FAM91A1: variants seen among roughly 807,000 people sequenced by gnomAD.
FAM91A1 encodes the protein protein FAM91A1.
FAM91A1 carries 41 observed loss-of-function variants against 113.5 expected under a neutral mutation model. The observed-to-expected ratio is 0.36, with a 90% confidence interval of 0.28 to 0.47. The LOEUF is 0.47. Ranked by LOEUF, FAM91A1 falls within the 20% of genes least tolerant of loss-of-function variation. The probability of loss-of-function intolerance (pLI) is 1.00; values close to 1 mark genes in which losing one functional copy is unlikely to be tolerated. For missense variants in FAM91A1, 696 were observed against 1,001.2 expected, an observed-to-expected ratio of 0.70 and a Z score of 4.11; for synonymous variants, 307 against 347.9, an observed-to-expected ratio of 0.88 and a Z score of 1.31.
intron 19 of FAM91A1, 25 bp downstream of exon 19, chr8:123,805,364 A>C: frequency 6.7e-7 from 1 of 1,491,522 alleles, no homozygotes; most frequent in South Asian, 1.3e-5. Flanking sequence ...GTATCTATTG[A>C]CTTTTTTTTT....
chr8:123,775,237 C>T lies in FAM91A1; in HGVS notation c.248C>T (p.Ser83Leu), dbSNP rs769005370. 106 of 1,613,896 alleles carry T rather than the reference C, an allele frequency of 6.6e-5. No individual in the cohort carries two copies. Among genetic ancestry groups the T allele is most frequent in the Non-Finnish European group, 8.2e-5 (97 of 1,179,906 alleles). The part of the protein sequence containing the change: ...DHLMLYPYHL[S>L]DIMVKGLRIT... ...CTCATGCTGTACCCTTACCATCTAT[C>T]GGATATTATGGTGAAAGGCTTGAGG... is the stretch of plus-strand genomic sequence containing the variant. The change falls in exon 3 of 24, where the codon TCG becomes TTG. Residue 83 changes from serine (S) to leucine (L), a missense_variant. Physicochemically the swap from Ser to Leu is moderately radical, Grantham distance 145. Transcript: ENST00000334705.
At position 123,768,475 on chromosome 8, in the gene FAM91A1, T is replaced by G. The variant is rs1348170357; in HGVS notation, c.-228T>G. 3 of 456,312 alleles carry G rather than the reference T, an allele frequency of 6.6e-6. No individual in the cohort carries two copies. Among genetic ancestry groups the G allele is most frequent in the Non-Finnish European group, 1.2e-5 (3 of 259,652 alleles). The allele number at this position is 456,312 out of a possible 1,614,324, so 28.3% of individuals were successfully genotyped here. ...CGGCGGCCCGAAACTAGGAAGAAAC[T>G]TGGAGCTGTTCAGGCGATCCAGCCT... On this transcript the variant is annotated 5_prime_UTR_variant, in exon 1 of 24. Coordinates refer to ENST00000334705, the MANE Select transcript of FAM91A1 (RefSeq NM_144963.4).
chr8:123,800,017 A>G (rs1341057235), intron 18 of FAM91A1, 132 bp downstream of exon 18: 1 of 808,580 alleles, frequency 1.2e-6, no homozygotes, highest in African/African-American at 1.8e-5. Context: ...AATCAGAGAT[A>G]TGGATTTTAG....
intron 18 of FAM91A1, among the ~76,000 whole-genome samples, chr8:123,802,960 A>G (rs1815722380): frequency 6.6e-6 from 1 of 152,236 alleles, no homozygotes; most frequent in African/African-American, 2.4e-5. Context: ...TGGCAGTAGA[A>G]GTAGAGTGAA....
chr8:123,779,376 C>T (rs1055113814), intron 6 of FAM91A1, among the ~76,000 whole-genome samples: 9 of 152,158 alleles, frequency 5.9e-5, no homozygotes, highest in East Asian at 3.8e-4. Flanking sequence ...TTGATATTCC[C>T]AGTGGTCAGA....
At position 123,813,746 on chromosome 8, in the gene FAM91A1, A is replaced by C. The variant is rs1178746431; in HGVS notation, c.*1042A>C. The C allele has an allele frequency of 6.6e-6, 1 of 152,428 alleles. No individual in the cohort carries two copies. The highest frequency in any genetic ancestry group is 2.4e-5 in the African/African-American group (1 of 41,470). 9.4% of individuals were successfully genotyped at this position (152,428 alleles called of 1,614,324 possible). A position where few individuals can be genotyped will look rare whatever the true frequency, so the allele number is the denominator to read the frequency against. On this transcript the variant is annotated 3_prime_UTR_variant, in exon 24 of 24. Transcript: ENST00000334705. Reference sequence around the variant, plus strand: ...GAGTCATTGATTCTTTTAGCATCTCAAATGTTAATTAGAATAATTGGAATC... The same window carrying C: ...GAGTCATTGATTCTTTTAGCATCTCCAATGTTAATTAGAATAATTGGAATC...
intron 15 of FAM91A1, 35 bp from the exon 16 acceptor site, chr8:123,798,055 C>T (rs367722431): frequency 6.3e-7 from 1 of 1,578,832 alleles, no homozygotes; most frequent in Non-Finnish European, 8.6e-7. Flanking sequence ...CACTCTCAGT[C>T]TTTTATTCTG....
In FAM91A1 at chr8:123,774,096, A is replaced by G; in HGVS notation, c.89A>G (p.Gln30Arg). The stretch of plus-strand genomic sequence containing the variant: ...TTCTCCTAGAGTCTTGGAAATTCAC[A>G]GAGAGAATATGAAAAGCAGGTTGTC... ...ANVRQSLGNS[Q>R]REYEKQVVLY... Residue 30 changes from glutamine to arginine, a missense_variant, in exon 2 of 24, where the codon CAG becomes CGG. Gln to Arg is a conservative substitution (Grantham distance 43, BLOSUM62 1). Coordinates refer to ENST00000334705, the MANE Select transcript of FAM91A1 (RefSeq NM_144963.4). The G allele has an allele frequency of 1.2e-6, 2 of 1,606,854 alleles. No homozygotes were observed. The highest frequency in any genetic ancestry group is 1.7e-6 in the Non-Finnish European group (2 of 1,177,178).
chr8:123,788,568 C>T (rs1815311933), intron 14 of FAM91A1, among the ~76,000 whole-genome samples: 1 of 151,862 alleles, frequency 6.6e-6, no homozygotes, highest in South Asian at 2.1e-4. Flanking sequence ...TAATCCTTTG[C>T]TATTAATTGG....
Position 123,768,597 on chromosome 8 carries a change from C to A in FAM91A1, c.-106C>A. 1 of 1,006,202 alleles carries A rather than the reference C, an allele frequency of 9.9e-7. No individual in the cohort carries two copies. The highest frequency in any genetic ancestry group is 1.4e-6 in the Non-Finnish European group (1 of 702,868). 62.3% of individuals were successfully genotyped at this position (1,006,202 alleles called of 1,614,324 possible). ...AGCCTGGGCCTTCTGCAGTGTGAGG[C>A]GCGGGGCCTCCCGCGTCGCTCCGCT... On this transcript the variant is annotated 5_prime_UTR_variant, in exon 1 of 24. Transcript: ENST00000334705.
chr8:123,777,825 AG>A (rs1413257909), intron 4 of FAM91A1, among the ~76,000 whole-genome samples, 199 bp from the exon 5 acceptor site: 1 of 152,164 alleles, frequency 6.6e-6, no homozygotes, highest in Non-Finnish European at 1.5e-5. Context: ...TTTTGTTAGA[AG>A]TGTCATCTTG....
intron 8 of FAM91A1, among the ~76,000 whole-genome samples, chr8:123,783,664 CCTT>C (rs1260875234): frequency 6.6e-6 from 1 of 152,328 alleles, no homozygotes; most frequent in East Asian, 1.9e-4. Flanking sequence ...AGGCATTCCT[CCTT>C]CTCAGGATAT....
intron 8 of FAM91A1, among the ~76,000 whole-genome samples, chr8:123,784,219 T>A (rs1056300693): frequency 2.0e-5 from 3 of 152,164 alleles, no homozygotes; most frequent in Non-Finnish European, 4.4e-5. Flanking sequence ...CATTTCTGAG[T>A]TACCTGTCTC....
intron 6 of FAM91A1, among the ~76,000 whole-genome samples, chr8:123,779,488 G>A (rs1815067346): frequency 4.6e-5 from 7 of 152,194 alleles, no homozygotes; most frequent in Admixed American, 3.9e-4. Flanking sequence ...ATGGAAATGA[G>A]TATGTGGGCT....
chr8:123,793,110 T>C (rs1815426992), intron 15 of FAM91A1, among the ~76,000 whole-genome samples: 2 of 152,346 alleles, frequency 1.3e-5, no homozygotes, highest in African/African-American at 4.8e-5. Flanking sequence ...TCTGCTATCC[T>C]ATACCTCACC....
chr8:123,778,875 G>T, intron 6 of FAM91A1, 103 bp downstream of exon 6: 1 of 758,278 alleles, frequency 1.3e-6, no homozygotes, highest in East Asian at 3.2e-5. Context: ...TTGTTTTCCT[G>T]AAGAAAAGGA....
chr8:123,811,399 GAA>G (rs1815949557), intron 23 of FAM91A1: 2 of 152,146 alleles, frequency 1.3e-5, no homozygotes, highest in Non-Finnish European at 2.9e-5. Flanking sequence ...GGCAAAAATG[GAA>G]ATTTTATAAG....
intron 14 of FAM91A1, among the ~76,000 whole-genome samples, chr8:123,789,365 ATGC>A (rs1815329200): frequency 6.6e-6 from 1 of 152,200 alleles, no homozygotes; most frequent in South Asian, 2.1e-4. Flanking sequence ...GTAACATATA[ATGC>A]TATAACTTAG....
intron 14 of FAM91A1, among the ~76,000 whole-genome samples, chr8:123,789,085 A>G (rs1281577855): frequency 6.6e-6 from 1 of 152,172 alleles, no homozygotes; most frequent in East Asian, 1.9e-4. Flanking sequence ...GGTTTTGTCC[A>G]TTACTCTATC....
Sources: gnomAD v4.1 joint callset for allele counts (sites outside exome capture counted in the v4.1 genomes callset) on GRCh38, gnomAD v4.1.1 for gene constraint, MANE v1.5 for transcripts, NCBI Gene and HGNC (gene_info 2026-07-23, HGNC 2026-07-21) for gene names.